The following UFD1 variants were observed in gnomAD, a reference collection of about 807,000 sequenced individuals.
The protein encoded by UFD1 is ubiquitin recognition factor in ER-associated degradation protein 1.
Under a neutral mutation model 45.9 loss-of-function variants are expected in UFD1, and 13 were observed. That is an observed-to-expected ratio of 0.28 (90% CI 0.18 to 0.45). UFD1 has a LOEUF of 0.45. UFD1 is among the 20% of genes least tolerant of loss of function. The probability of loss-of-function intolerance (pLI) is 1.00; values close to 1 mark genes in which losing one functional copy is unlikely to be tolerated. For synonymous variants in UFD1, 128 were observed against 139.2 expected (o/e 0.92, Z 0.56); for missense variants, 218 against 389.2 (o/e 0.56, Z 3.70).
At chr22:19,469,240 C>T (rs739369) in intron 4 of UFD1, among the ~76,000 whole-genome samples, 56,037 of 152,076 alleles carry the variant, frequency 0.37, 12,657 homozygotes, top group Non-Finnish European at 0.5. Context: ...GTTAGCCAGT[C>T]GCAGGCCAGG....
At chr22:19,467,835 C>CT (rs754421177) in intron 5 of UFD1, 38 bp downstream of exon 5, 2 of 1,611,524 alleles carry the variant, frequency 1.2e-6, no homozygotes, top group East Asian at 2.2e-5. Context: ...GCACACTCTC[C>CT]TTTGTCTAGA....
intron 11 of UFD1, chr22:19,454,111 G>A (rs1247323491): frequency 2.0e-6 from 2 of 985,586 alleles, no homozygotes; most frequent in Non-Finnish European, 1.2e-6. Context: ...GTTGGAAGAC[G>A]AAGCCCACCC....
chr22:19,453,748 C>T (rs1569325648), intron 11 of UFD1: 3 of 985,552 alleles, frequency 3.0e-6, no homozygotes, highest in Non-Finnish European at 3.6e-6. Flanking sequence ...TCACAGTGGT[C>T]TCTGTCCCCA....
At chr22:19,464,103 C>G (rs576409802) in intron 6 of UFD1, among the ~76,000 whole-genome samples, 2 of 152,138 alleles carry the variant, frequency 1.3e-5, no homozygotes, top group Non-Finnish European at 2.9e-5. Context: ...AAGTGTGATT[C>G]GAAACCCAAG....
At chr22:19,464,669 C>T (rs1026886056) in intron 6 of UFD1, among the ~76,000 whole-genome samples, 6 of 152,222 alleles carry the variant, frequency 3.9e-5, no homozygotes, top group Non-Finnish European at 8.8e-5. Flanking sequence ...TAAGTGAAAA[C>T]GGAAGCTGAA....
At position 19,458,083 on chromosome 22, in the gene UFD1, C is replaced by T. The variant is rs965082365; in HGVS notation, c.552G>A (p.Glu184=). 5 of 1,614,060 alleles carry T rather than the reference C, an allele frequency of 3.1e-6. No individual in the cohort carries two copies. The Admixed American group carries it at 8.3e-5, about 27-fold the overall frequency. ...CAGAGCCACTCACGTTCATGTCACA[C>T]TCAATGATGGACACTGCCTTGTCGG... ...TKPDKAVSII[E]CDMNVDFDAP... The change falls in exon 7 of 12, where the codon GAG becomes GAA. Residue 184 remains glutamate, a synonymous_variant. Coordinates refer to ENST00000263202, the MANE Select transcript of UFD1 (RefSeq NM_005659.7).
chr22:19,451,705 C>T (rs900720407), intron 11 of UFD1: 2 of 985,470 alleles, frequency 2.0e-6, no homozygotes, highest in Non-Finnish European at 2.4e-6. Flanking sequence ...TGGTCACATT[C>T]ATGTAAATTT....
intron 11 of UFD1, chr22:19,453,138 G>C (rs111551770): frequency 0.034 from 33,878 of 985,348 alleles, 604 homozygotes; most frequent in African/African-American, 0.042. Flanking sequence ...TTCTGGGATG[G>C]GGGAGGGAGG....
At chr22:19,478,889 G>A in intron 1 of UFD1, 194 bp downstream of exon 1, 1 of 658,248 alleles carries the variant, frequency 1.5e-6, no homozygotes, top group Non-Finnish European at 2.4e-6. Flanking sequence ...GTTCAGGACC[G>A]GCGGACGCGA....
chr22:19,453,188 T>G, intron 11 of UFD1: 1 of 985,372 alleles, frequency 1.0e-6, no homozygotes, highest in Non-Finnish European at 1.2e-6. Flanking sequence ...AATTCTGTCT[T>G]TAGTCCCTCA....
At chr22:19,469,918 C>A in intron 4 of UFD1, 1 of 518,156 alleles carries the variant, frequency 1.9e-6, no homozygotes, top group Non-Finnish European at 3.9e-6. Context: ...AAGAGGCCAC[C>A]CAAACTTCAA....
intron 4 of UFD1, among the ~76,000 whole-genome samples, chr22:19,469,684 A>G (rs767244159): frequency 6.6e-6 from 1 of 152,168 alleles, no homozygotes; most frequent in Non-Finnish European, 1.5e-5. Flanking sequence ...GATGGAGTCC[A>G]CCAGCCAGCC....
rs1027371556 is a variant in UFD1 at position 19,468,125 on chromosome 22, A to G, written c.292-122T>C. On this transcript the variant is annotated intron_variant, in intron 4 of 11. Transcript: ENST00000263202. ...CCTTGGAAGAGGAACCTGAGCCAAG[A>G]TAAGTAATTCGTGATACTATGTCAG... 8 of 1,348,798 alleles carry G rather than the reference A, an allele frequency of 5.9e-6. No homozygotes were observed. The African/African-American group carries it at 8.8e-5, about 15-fold the overall frequency. The allele number at this position is 1,348,798 out of a possible 1,614,324, so 83.6% of individuals were successfully genotyped here.
At chr22:19,470,887 TGA>T (rs1465995568) in intron 4 of UFD1, 4 of 452,782 alleles carry the variant, frequency 8.8e-6, no homozygotes, top group Admixed American at 2.4e-5. Flanking sequence ...CAAGCACTCC[TGA>T]GAGTTTCCAG....
At chr22:19,457,795 G>A (rs1011978035) in intron 7 of UFD1, among the ~76,000 whole-genome samples, 4 of 151,814 alleles carry the variant, frequency 2.6e-5, no homozygotes, top group Non-Finnish European at 5.9e-5. Flanking sequence ...TGGGCAACAG[G>A]AGTGAAACTA....
At chr22:19,470,063 G>A (rs769551789) in intron 4 of UFD1, 3 of 512,636 alleles carry the variant, frequency 5.9e-6, no homozygotes, top group Non-Finnish European at 7.8e-6. Context: ...TGGCTTCAGT[G>A]ACCAGGTGTT....
chr22:19,474,861 G>C (rs2089870411), intron 3 of UFD1, among the ~76,000 whole-genome samples: 1 of 152,178 alleles, frequency 6.6e-6, no homozygotes, highest in South Asian at 2.1e-4. Flanking sequence ...CCAGGGCAGT[G>C]ATGAAGCTGA....
chr22:19,451,935 ATTC>A, intron 11 of UFD1: 1 of 985,286 alleles, frequency 1.0e-6, no homozygotes, highest in Non-Finnish European at 1.2e-6. Flanking sequence ...TATTTCCTGG[ATTC>A]TATGACTTTC....
At chr22:19,464,611 T>G (rs1291325420) in intron 6 of UFD1, among the ~76,000 whole-genome samples, 1 of 152,230 alleles carries the variant, frequency 6.6e-6, no homozygotes, top group East Asian at 1.9e-4. Context: ...ACAGAGGCAT[T>G]CAGACCTGAG....
Sources: allele counts gnomAD v4.1 joint callset (sites outside exome capture counted in the v4.1 genomes callset), GRCh38; gene constraint gnomAD v4.1.1; transcripts MANE v1.5; gene names NCBI Gene and HGNC (gene_info 2026-07-23, HGNC 2026-07-21).